MAPK4: variants seen among roughly 807,000 people sequenced by gnomAD.
MAPK4 encodes the protein Erk3-related.
MAPK4 carries 22 observed loss-of-function variants against 47.7 expected under a neutral mutation model. The ratio of observed to expected loss-of-function variants is 0.46; its 90% confidence interval spans 0.33 to 0.66. The LOEUF (loss-of-function observed/expected upper bound fraction) is 0.66. MAPK4 is among the 30% of genes least tolerant of loss of function. The pLI is 0.02. For missense variants in MAPK4, 736 were observed against 831.7 expected, an observed-to-expected ratio of 0.88 and a Z score of 1.42; for synonymous variants, 390 against 365.7, an observed-to-expected ratio of 1.07 and a Z score of -0.76.
chr18:50,634,829 G>A (rs191675199), intron 1 of MAPK4, among the ~76,000 whole-genome samples: 12 of 152,250 alleles, frequency 7.9e-5, no homozygotes, highest in South Asian at 4.2e-4. Flanking sequence ...ATCATGGGTC[G>A]TTTTGCTATC....
chr18:50,704,923 T>C, intron 2 of MAPK4: 1 of 397,268 alleles, frequency 2.5e-6, no homozygotes, highest in Non-Finnish European at 4.4e-6. Context: ...TCCTCAAAAG[T>C]GCTTTTGGAC....
chr18:50,614,689 G>C (rs1022999397), intron 1 of MAPK4, among the ~76,000 whole-genome samples: 4 of 152,086 alleles, frequency 2.6e-5, no homozygotes, highest in Admixed American at 6.5e-5. Context: ...ATTATCTCTA[G>C]ACCTATCTAG....
rs556292726 is a variant in MAPK4 at position 50,663,876 on chromosome 18, C to A, written c.-83C>A. The A allele has an allele frequency of 8.1e-7, 1 of 1,236,920 alleles. No homozygotes were observed. Among genetic ancestry groups the A allele is most frequent in the Non-Finnish European group, 1.1e-6 (1 of 876,728 alleles). The allele number at this position is 1,236,920 out of a possible 1,614,324, so 76.6% of individuals were successfully genotyped here. A position where few individuals can be genotyped will look rare whatever the true frequency, so the allele number is the denominator to read the frequency against. On this transcript the variant is annotated 5_prime_UTR_variant, in exon 2 of 6. It introduces an in-frame stop codon into an upstream open reading frame of the 5' UTR. Transcript: ENST00000400384. ...CCGTGGGACTTGACAGAATGAGGTG[C>A]GCGAGGGAGGCCGCTAGCCGAGACT...
intron 1 of MAPK4, among the ~76,000 whole-genome samples, chr18:50,571,194 AT>A (rs1479783345): frequency 6.6e-6 from 1 of 152,146 alleles, no homozygotes; most frequent in Non-Finnish European, 1.5e-5. Context: ...TTCCACAATA[AT>A]TTACCCTGCG....
At chr18:50,617,044 A>T (rs2042690822) in intron 1 of MAPK4, among the ~76,000 whole-genome samples, 1 of 152,228 alleles carries the variant, frequency 6.6e-6, no homozygotes, top group Admixed American at 6.5e-5. Context: ...CACCACCATC[A>T]ACTTTATCTC....
intron 4 of MAPK4, among the ~76,000 whole-genome samples, chr18:50,724,187 T>A (rs1598960272): frequency 6.6e-6 from 1 of 152,000 alleles, no homozygotes; most frequent in African/African-American, 2.4e-5. Flanking sequence ...AATTTTAAAA[T>A]TTTTTTTGTA....
At chr18:50,650,653 G>C (rs2043038957) in intron 1 of MAPK4, among the ~76,000 whole-genome samples, 1 of 152,142 alleles carries the variant, frequency 6.6e-6, no homozygotes, top group Non-Finnish European at 1.5e-5. Context: ...CACCAGCCCT[G>C]CACTTCCTCA....
At chr18:50,720,410 TG>T (rs755681267) in intron 3 of MAPK4, among the ~76,000 whole-genome samples, 176 of 151,944 alleles carry the variant, frequency 1.2e-3, no homozygotes, top group Non-Finnish European at 2.2e-3. Context: ...CCACAAGGGG[TG>T]GGGGAGCTAG....
intron 1 of MAPK4, among the ~76,000 whole-genome samples, chr18:50,577,330 A>G (rs766338294): frequency 9.2e-5 from 14 of 152,194 alleles, no homozygotes; most frequent in Non-Finnish European, 2.1e-4. Context: ...CCCAGGCTTC[A>G]GCCCTAGAGA....
At chr18:50,706,866 C>G (rs1013041768) in intron 2 of MAPK4, among the ~76,000 whole-genome samples, 1 of 152,136 alleles carries the variant, frequency 6.6e-6, no homozygotes, top group African/African-American at 2.4e-5. Flanking sequence ...AGCTGCCAGT[C>G]CTGGTACATC....
At chr18:50,621,275 C>T (rs1435039431) in intron 1 of MAPK4, among the ~76,000 whole-genome samples, 2 of 151,916 alleles carry the variant, frequency 1.3e-5, no homozygotes, top group African/African-American at 4.8e-5. Flanking sequence ...TGCAGCTCTT[C>T]ATCCCCATGA....
At position 50,729,408 on chromosome 18, in the gene MAPK4, A is replaced by G; in HGVS notation, c.1318A>G (p.Lys440Glu). Reference sequence around the variant, plus strand: ...GGTGGGGTCGCCGTCCTACCTGGACAAGCTGCTGTGGCGCGACAACAAGCC... The same window carrying G: ...GGTGGGGTCGCCGTCCTACCTGGACGAGCTGCTGTGGCGCGACAACAAGCC... ...YKVGSPSYLD[K>E]LLWRDNKPHH... Residue 440 changes from lysine to glutamate, a missense_variant, in exon 6 of 6, where the codon AAG becomes GAG. Lys to Glu is a moderately conservative substitution (Grantham distance 56). Transcript: ENST00000400384. The G allele has an allele frequency of 1.3e-6, 2 of 1,559,082 alleles. No individual in the cohort carries two copies. The highest frequency in any genetic ancestry group is 1.7e-6 in the Non-Finnish European group (2 of 1,154,256).
intron 2 of MAPK4, among the ~76,000 whole-genome samples, chr18:50,686,028 CT>C (rs1377665228): frequency 6.6e-6 from 1 of 150,686 alleles, no homozygotes; most frequent in African/African-American, 2.5e-5. Context: ...GAAAGGCCCC[CT>C]AGAAGTAACT....
rs747235423 is a variant in MAPK4, at chr18:50,725,348, CCCT to C, written c.854-612_854-610del. On this transcript the variant is annotated intron_variant, in intron 4 of 5. Transcript: ENST00000400384. ...CTGGGCTGTGGAGACCCTGTCCCACCCCTCGACTGCAGCATTCCCCTTTCTCAC... is the reference window on the plus strand; with the variant it reads ...CTGGGCTGTGGAGACCCTGTCCCACCCGACTGCAGCATTCCCCTTTCTCAC... Among the ~76,000 whole-genome samples the C allele has an allele frequency of 7.3e-4, 111 of 152,300 alleles. 1 individual carries two copies. The highest frequency in any genetic ancestry group is 3.4e-3 in the Middle Eastern group (1 of 294).
intron 2 of MAPK4, among the ~76,000 whole-genome samples, chr18:50,668,149 C>T (rs1325096084): frequency 6.6e-6 from 1 of 152,176 alleles, no homozygotes. Context: ...TTCAAGGATA[C>T]AAATAAACAG....
chr18:50,566,554 A>T (rs1479996695), intron 1 of MAPK4, among the ~76,000 whole-genome samples: 1 of 152,132 alleles, frequency 6.6e-6, no homozygotes, highest in East Asian at 1.9e-4. Flanking sequence ...ACCAGGCAGG[A>T]AAAGGGTTTG....
chr18:50,684,582 T>C (rs1333981713), intron 2 of MAPK4, among the ~76,000 whole-genome samples: 2 of 150,982 alleles, frequency 1.3e-5, no homozygotes, highest in Admixed American at 6.6e-5. Flanking sequence ...CTTCACTCCC[T>C]TGGGTGAGCT....
intron 4 of MAPK4, among the ~76,000 whole-genome samples, chr18:50,724,439 C>T (rs148238146): frequency 6.6e-6 from 1 of 152,176 alleles, no homozygotes; most frequent in African/African-American, 2.4e-5. Flanking sequence ...CAAGTCATGG[C>T]TGGGGCCAAA....
intron 1 of MAPK4, among the ~76,000 whole-genome samples, chr18:50,657,968 G>A (rs555003541): frequency 7.2e-5 from 11 of 152,168 alleles, no homozygotes; most frequent in South Asian, 2.1e-4. Context: ...GCTACAGGCC[G>A]TGCTAGTCAG....
Sources: allele counts gnomAD v4.1 joint callset (sites outside exome capture counted in the v4.1 genomes callset), GRCh38; gene constraint gnomAD v4.1.1; transcripts MANE v1.5; gene names NCBI Gene and HGNC (gene_info 2026-07-23, HGNC 2026-07-21).